MXD3: variants seen among roughly 807,000 people sequenced by gnomAD.
MXD3 encodes MAX dimerization protein 3.
MXD3 carries 20 observed loss-of-function variants against 27.5 expected under a neutral mutation model. That is an observed-to-expected ratio of 0.73 (90% CI 0.51 to 1.06). The LOEUF (loss-of-function observed/expected upper bound fraction) is 1.06, where lower values mean the gene tolerates loss of function less well. Ranked by LOEUF, MXD3 falls within the 50% of genes least tolerant of loss-of-function variation. The pLI, the probability that MXD3 is intolerant of heterozygous loss-of-function variation, is 0.00. For synonymous variants in MXD3, 150 were observed against 130.7 expected (o/e 1.15, Z -1.01); for missense variants, 298 against 291.3 (o/e 1.02, Z -0.17).
At chr5:177,306,571 C>T (rs757111088), downstream of MXD3, 80 of 1,608,546 alleles carry the variant, frequency 5.0e-5, no homozygotes, top group Non-Finnish European at 6.4e-5. Context: ...GTTTGTGTAG[C>T]CAGTCTACCA....
chr5:177,310,859 C>T (rs963917488), intron 2 of MXD3, 162 bp from the exon 3 acceptor site: 4 of 773,332 alleles, frequency 5.2e-6, no homozygotes, highest in African/African-American at 1.7e-5. Context: ...CCTGGCAGGG[C>T]GAGGGGAGTC....
chr5:177,306,485 C>T (rs770853591), downstream of MXD3: 24 of 1,613,882 alleles, frequency 1.5e-5, no homozygotes, highest in South Asian at 8.8e-5. Flanking sequence ...GCAAAGGAGA[C>T]GGCACTGGCA....
In MXD3 at chr5:177,308,042, G is replaced by A. The variant is rs561888251; in HGVS notation, c.322-78C>T. 672 of 1,354,508 alleles carry A rather than the reference G, an allele frequency of 5.0e-4. 4 individuals are homozygous for A. The Middle Eastern group carries it at 7.2e-3, about 15-fold the overall frequency. The allele number at this position is 1,354,508 out of a possible 1,614,324, so 83.9% of individuals were successfully genotyped here. A position where few individuals can be genotyped will look rare whatever the true frequency, so the allele number is the denominator to read the frequency against. The stretch of plus-strand genomic sequence containing the variant: ...CTGCACCCCAGCACCACTCAGTACC[G>A]GGCCACGGCCACAGGGCCAATGCCC... On this transcript the variant is annotated intron_variant, in intron 4 of 5. Transcript: ENST00000439742.
At chr5:177,310,572 G>T (rs1186427001) in intron 3 of MXD3, 32 bp from the exon 4 acceptor site, 3 of 1,611,202 alleles carry the variant, frequency 1.9e-6, no homozygotes, top group Non-Finnish European at 2.5e-6. Context: ...GGCAGTGCCA[G>T]CCCCACCTTG....
Position 177,307,369 on chromosome 5 carries a change from G to A in MXD3, c.*219C>T, listed in dbSNP as rs1334345251. The A allele has an allele frequency of 9.3e-6, 14 of 1,500,376 alleles. No homozygotes were observed. The highest frequency in any genetic ancestry group is 1.2e-5 in the South Asian group (1 of 83,066). 92.9% of individuals were successfully genotyped at this position (1,500,376 alleles called of 1,614,324 possible). On this transcript the variant is annotated 3_prime_UTR_variant, in exon 6 of 6. Coordinates refer to ENST00000439742, the MANE Select transcript of MXD3 (RefSeq NM_031300.4). ...GGCCCAAGCTGCCTGCCCTGCAGGG[G>A]TCCAGGGAGGTCCTGATGAGTCCTG...
Position 177,307,319 on chromosome 5 carries a change from C to T in MXD3, c.*269G>A. ...AAGAGGCTTCCTGTCCCCTTGGGGG[C>T]AGCAGAGCCAAATGCTTGGGCTCGG... On this transcript the variant is annotated 3_prime_UTR_variant, in exon 6 of 6. Coordinates refer to ENST00000439742, the MANE Select transcript of MXD3 (RefSeq NM_031300.4). 1.9e-6 allele frequency: 3 copies of T among 1,545,338 alleles called. No homozygotes were observed. The highest frequency in any genetic ancestry group is 2.6e-6 in the Non-Finnish European group (3 of 1,142,668).
rs113998938 is a variant in MXD3 at position 177,308,004 on chromosome 5, G to A, written c.322-40C>T. On this transcript the variant is annotated intron_variant, in intron 4 of 5. Coordinates refer to ENST00000439742, the MANE Select transcript of MXD3 (RefSeq NM_031300.4). ...GGAGCAAGGGGCTGGGGTCAGCGGC[G>A]TGGGGGCTTGGGCTGCACCCCAGCA... is the stretch of plus-strand genomic sequence containing the variant. 1.3e-3 allele frequency: 1,958 copies of A among 1,473,820 alleles called. 27 individuals carry two copies. The African/African-American group carries it at 0.024, about 18-fold the overall frequency. 91.3% of individuals were successfully genotyped at this position (1,473,820 alleles called of 1,614,324 possible). A position where few individuals can be genotyped will look rare whatever the true frequency, so the allele number is the denominator to read the frequency against.
chr5:177,312,291 G>C (rs917499658), upstream of MXD3: 8 of 986,614 alleles, frequency 8.1e-6, no homozygotes, highest in Admixed American at 6.1e-5. Flanking sequence ...GGGTGCCGCG[G>C]GGGCGGGGCC....
intron 2 of MXD3, 35 bp downstream of exon 2, chr5:177,311,344 C>G (rs1418087042): frequency 9.7e-6 from 13 of 1,343,906 alleles, no homozygotes; most frequent in Non-Finnish European, 1.3e-5. Context: ...GGCGCCCACC[C>G]CCACCCCCAC....
chr5:177,305,943 T>C, downstream of MXD3: 1 of 1,614,122 alleles, frequency 6.2e-7, no homozygotes, highest in Non-Finnish European at 8.5e-7. Context: ...CCGGGAAGCC[T>C]GGGTCTCCTC....
downstream of MXD3, chr5:177,306,358 G>A (rs1302114222): frequency 3.1e-6 from 5 of 1,609,584 alleles, no homozygotes; most frequent in Admixed American, 6.7e-5. Flanking sequence ...GGTGTCATGG[G>A]GGAGGGAAAT....
Position 177,311,809 on chromosome 5 carries a change from T to A in MXD3, c.22A>T (p.Ile8Phe). The A allele has an allele frequency of 6.2e-7, 1 of 1,612,720 alleles. No homozygotes were observed. The highest frequency in any genetic ancestry group is 8.5e-7 in the Non-Finnish European group (1 of 1,179,300). The change falls in exon 1 of 6, where the codon ATC (isoleucine) becomes TTC (phenylalanine). Residue 8 changes from isoleucine to phenylalanine, a missense_variant. Coordinates refer to ENST00000439742, the MANE Select transcript of MXD3 (RefSeq NM_031300.4). ...TCGGCCGCCTGCAGCAGGACCTGGA[T>A]GTTGCTGGCCAAGGGTTCCATGTCG... MEPLASNIQVLLQAAEFL... is the reference protein window; with the variant it reads MEPLASNFQVLLQAAEFL...
downstream of MXD3, chr5:177,307,155 G>C (rs1393502908): frequency 1.2e-5 from 19 of 1,544,014 alleles, no homozygotes; most frequent in Admixed American, 1.0e-4. Flanking sequence ...CTCTTCCAGT[G>C]GGTCTGTGGT....
At chr5:177,310,401 G>T (rs764674653) in intron 4 of MXD3, 25 bp downstream of exon 4, 10 of 1,589,800 alleles carry the variant, frequency 6.3e-6, no homozygotes, top group Admixed American at 1.7e-5. Flanking sequence ...GGGCAAGCCA[G>T]TCCGGGCGCA....
chr5:177,307,010 A>G (rs903779571), downstream of MXD3: 3 of 1,429,610 alleles, frequency 2.1e-6, no homozygotes, highest in Non-Finnish European at 1.8e-6. Flanking sequence ...CTGTTTTTGG[A>G]CCTCAGGCGA....
At chr5:177,311,341 AC>A in intron 2 of MXD3, 37 bp downstream of exon 2, 2 of 784,336 alleles carry the variant, frequency 2.5e-6, no homozygotes, top group East Asian at 5.3e-5. Context: ...GGCGGCGCCC[AC>A]CCCCACCCCC....
upstream of MXD3, chr5:177,312,461 C>A (rs1761061563): frequency 2.0e-6 from 2 of 985,312 alleles, no homozygotes; most frequent in Admixed American, 6.1e-5. Context: ...AAGCAGGTTT[C>A]AAATTTGAAA....
chr5:177,307,983 C>CA lies in MXD3; in HGVS notation c.322-20dup. On this transcript the variant is annotated intron_variant, in intron 4 of 5. Coordinates refer to ENST00000439742, the MANE Select transcript of MXD3 (RefSeq NM_031300.4). ...CCAGCTTCTGCGGATCCCAAAGGAGCAAGGGGCTGGGGTCAGCGGCGTGGG... is the reference window on the plus strand; with the variant it reads ...CCAGCTTCTGCGGATCCCAAAGGAGCAAAGGGGCTGGGGTCAGCGGCGTGGG... 6.6e-7 allele frequency: 1 copy of CA among 1,518,888 alleles called. No homozygotes were observed. Among genetic ancestry groups the CA allele is most frequent in the African/African-American group, 1.4e-5 (1 of 72,546 alleles). 94.1% of individuals were successfully genotyped at this position (1,518,888 alleles called of 1,614,324 possible).
downstream of MXD3, chr5:177,305,641 G>C (rs889717264): frequency 3.5e-5 from 19 of 546,084 alleles, no homozygotes; most frequent in African/African-American, 3.6e-4. Flanking sequence ...TTGATCTCAA[G>C]AGAGAGACCT....
Sources: gnomAD v4.1 joint callset for allele counts on GRCh38, gnomAD v4.1.1 for gene constraint, MANE v1.5 for transcripts, NCBI Gene and HGNC (gene_info 2026-07-23, HGNC 2026-07-21) for gene names.